CYP39A1: variants seen among roughly 807,000 people sequenced by gnomAD.
CYP39A1 encodes the protein cytochrome P450 family 39 subfamily A member 1, also known as 24-hydroxycholesterol 7-alpha-hydroxylase.
A neutral mutation model predicts 58.1 loss-of-function variants in CYP39A1; 49 were observed. The observed-to-expected ratio is 0.84, with a 90% CI of 0.67 to 1.07. The LOEUF (loss-of-function observed/expected upper bound fraction) is 1.07, where lower values mean the gene tolerates loss of function less well. Ranked by LOEUF, CYP39A1 falls within the 50% of genes least tolerant of loss-of-function variation. CYP39A1 has a pLI of 0.00. For synonymous variants in CYP39A1, 209 were observed against 187.6 expected (o/e 1.11, Z -0.93); for missense variants, 531 against 539.4 (o/e 0.98, Z 0.16).
intron 10 of CYP39A1, among the ~76,000 whole-genome samples, chr6:46,573,443 G>T (rs540537447): frequency 1.3e-5 from 2 of 152,252 alleles, no homozygotes; most frequent in East Asian, 3.9e-4. Flanking sequence ...GTATTTGAAG[G>T]CAGCAGTAGT....
In CYP39A1 at chr6:46,644,112, T is replaced by C. The variant is rs138755590; in HGVS notation, c.178-1814A>G. ...AAAGATCTTAAATGATGCCCTTTTA[T>C]AGCCAGCCCCCACTGTTTCTCTCAC... On this transcript the variant is annotated intron_variant, in intron 1 of 11. Transcript: ENST00000275016. Among the ~76,000 whole-genome samples, 1,122 of 152,316 alleles carry C rather than the reference T, an allele frequency of 7.4e-3. 11 individuals are homozygous for C. Among genetic ancestry groups the C allele is most frequent in the African/African-American group, 0.021 (865 of 41,566 alleles).
chr6:46,650,219 G>A lies in CYP39A1; in HGVS notation c.177+2187C>T, dbSNP rs552553457. Reference sequence around the variant, plus strand: ...AGACTTCTCTGGGGAAAGAAGGGCAGTCCTCTCAAGCTGATCTGAAAATGA... The same window carrying A: ...AGACTTCTCTGGGGAAAGAAGGGCAATCCTCTCAAGCTGATCTGAAAATGA... On this transcript the variant is annotated intron_variant, in intron 1 of 11. Transcript: ENST00000275016. Among the ~76,000 whole-genome samples the A allele has an allele frequency of 1.1e-4, 17 of 152,152 alleles. No homozygotes were observed. In the South Asian group the frequency reaches 3.5e-3, roughly 32 times the overall value.
chr6:46,593,279 T>C (rs1410484821), intron 8 of CYP39A1, among the ~76,000 whole-genome samples: 3 of 152,124 alleles, frequency 2.0e-5, no homozygotes, highest in African/African-American at 7.2e-5. Context: ...TGGGTATCTC[T>C]TCTGGCAAAG....
At chr6:46,574,111 G>A (rs1017778739) in intron 10 of CYP39A1, among the ~76,000 whole-genome samples, 7 of 152,154 alleles carry the variant, frequency 4.6e-5, no homozygotes, top group South Asian at 2.1e-4. Flanking sequence ...TTGCCATGGA[G>A]TCAGTTTCCT....
intron 7 of CYP39A1, among the ~76,000 whole-genome samples, chr6:46,618,748 A>G (rs2150562758): frequency 6.6e-6 from 1 of 152,148 alleles, no homozygotes; most frequent in East Asian, 1.9e-4. Context: ...TTTTTTTAAA[A>G]TAATATTTCT....
intron 1 of CYP39A1, among the ~76,000 whole-genome samples, chr6:46,645,189 T>G (rs1034948318): frequency 3.9e-5 from 6 of 152,204 alleles, no homozygotes; most frequent in Admixed American, 6.5e-5. Context: ...GTCCTTTTGG[T>G]GTCAAGTCTA....
rs756595962 is a variant in CYP39A1 at position 46,642,298 on chromosome 6, A to G, written c.178T>C (p.Tyr60His). The change falls in exon 2 of 12, where the codon TAT (tyrosine) becomes CAT (histidine). Residue 60 changes from tyrosine to histidine, a missense_variant and splice_region_variant. Coordinates refer to ENST00000275016, the MANE Select transcript of CYP39A1 (RefSeq NM_016593.5). ...LEFIEKARIK[Y>H]GPIFTVFAMG... Reference sequence around the variant, plus strand: ...GCAAAGACTGTAAATATTGGTCCATACTGAAATAAAACAAACATAGATTAT... The same window carrying G: ...GCAAAGACTGTAAATATTGGTCCATGCTGAAATAAAACAAACATAGATTAT... 80 of 1,610,108 alleles carry G rather than the reference A, an allele frequency of 5.0e-5. No individual in the cohort carries two copies. The highest frequency in any genetic ancestry group is 6.5e-5 in the Non-Finnish European group (77 of 1,178,460).
chr6:46,649,590 T>C (rs1320581789), intron 1 of CYP39A1, among the ~76,000 whole-genome samples: 1 of 152,174 alleles, frequency 6.6e-6, no homozygotes, highest in East Asian at 1.9e-4. Context: ...CCTACTGACA[T>C]AGGAACAGTG....
At chr6:46,571,790 G>A (rs1771598431) in intron 10 of CYP39A1, among the ~76,000 whole-genome samples, 1 of 151,784 alleles carries the variant, frequency 6.6e-6, no homozygotes, top group South Asian at 2.1e-4. Context: ...CTGTTTTGTA[G>A]TTCCTTAGTT....
At chr6:46,623,943 T>C (rs1202141607) in intron 7 of CYP39A1, among the ~76,000 whole-genome samples, 3 of 152,200 alleles carry the variant, frequency 2.0e-5, no homozygotes, top group South Asian at 2.1e-4. Flanking sequence ...AAAGCATCCA[T>C]ATAATGTAGC....
intron 7 of CYP39A1, among the ~76,000 whole-genome samples, chr6:46,622,153 G>T (rs1366243302): frequency 1.3e-5 from 2 of 152,032 alleles, no homozygotes; most frequent in Non-Finnish European, 2.9e-5. Context: ...TAAATTAATG[G>T]TCGTCAGAAG....
chr6:46,612,347 C>T (rs1377383445), intron 7 of CYP39A1, among the ~76,000 whole-genome samples: 1 of 152,242 alleles, frequency 6.6e-6, no homozygotes, highest in East Asian at 1.9e-4. Context: ...AGGAAAATCA[C>T]AAGTTATGAG....
In CYP39A1 at chr6:46,652,542, C is replaced by G. The variant is rs749380902; in HGVS notation, c.41G>C (p.Cys14Ser). 1.9e-6 allele frequency: 3 copies of G among 1,611,918 alleles called. No homozygotes were observed. Among genetic ancestry groups the G allele is most frequent in the Non-Finnish European group, 2.5e-6 (3 of 1,179,162 alleles). The change falls in exon 1 of 12, where the codon TGC (cysteine) becomes TCC (serine). Residue 14 changes from cysteine (C) to serine (S), a missense_variant. By Grantham distance (112) the Cys-to-Ser change is moderately radical. Coordinates refer to ENST00000275016, the MANE Select transcript of CYP39A1 (RefSeq NM_016593.5). ...CTGAAGGAGTAAGAACAGAGCAAGG[C>G]AACCCAGGATTATAATCACTGTTGG... ...ISPTVIIILG[C>S]LALFLLLQRK...
chr6:46,648,671 TA>T (rs964718927), intron 1 of CYP39A1, among the ~76,000 whole-genome samples: 6 of 150,868 alleles, frequency 4.0e-5, no homozygotes, highest in East Asian at 1.9e-4. Context: ...AGTATAATAA[TA>T]AAAAAAAATT....
chr6:46,611,284 A>T (rs182110477), intron 7 of CYP39A1, among the ~76,000 whole-genome samples: 52 of 152,368 alleles, frequency 3.4e-4, no homozygotes, highest in Admixed American at 3.0e-3. Context: ...TTGGAAGTAG[A>T]TCCTGCTCAG....
At chr6:46,641,351 GA>G (rs1776325703) in intron 2 of CYP39A1, among the ~76,000 whole-genome samples, 1 of 151,780 alleles carries the variant, frequency 6.6e-6, no homozygotes, top group African/African-American at 2.4e-5. Flanking sequence ...CATACAAGAA[GA>G]AAAAATATAT....
At chr6:46,580,840 C>G (rs755933705) in intron 10 of CYP39A1, among the ~76,000 whole-genome samples, 1 of 151,958 alleles carries the variant, frequency 6.6e-6, no homozygotes, top group Non-Finnish European at 1.5e-5. Context: ...ATTAAAAAGT[C>G]AAAAAATAAC....
chr6:46,591,266 CT>C (rs1772815362), intron 8 of CYP39A1, among the ~76,000 whole-genome samples: 1 of 151,794 alleles, frequency 6.6e-6, no homozygotes, highest in South Asian at 2.1e-4. Context: ...ATGTTCTGTC[CT>C]GATTAACCTA....
intron 8 of CYP39A1, among the ~76,000 whole-genome samples, chr6:46,589,112 T>C (rs1422888425): frequency 2.0e-5 from 3 of 152,132 alleles, no homozygotes; most frequent in African/African-American, 7.2e-5. Context: ...TTTGAAAAAC[T>C]TTTACTTTAG....
Sources: gnomAD v4.1 joint callset for allele counts (sites outside exome capture counted in the v4.1 genomes callset) on GRCh38, gnomAD v4.1.1 for gene constraint, MANE v1.5 for transcripts, NCBI Gene and HGNC (gene_info 2026-07-23, HGNC 2026-07-21) for gene names.